FEZ2: variants seen among roughly 807,000 people sequenced by gnomAD.
The protein encoded by FEZ2 is fasciculation and elongation protein zeta-2.
FEZ2 carries 51 observed loss-of-function variants against 40.4 expected under a neutral mutation model. That is an observed-to-expected ratio of 1.26 (90% confidence interval 1.01 to 1.59). FEZ2 has a LOEUF of 1.59. Among genes scored for constraint, FEZ2 ranks in the 40% most tolerant of loss-of-function variants. The pLI is 0.00. For synonymous variants in FEZ2, 242 were observed against 172.0 expected (o/e 1.41, Z -3.18); for missense variants, 640 against 438.3 (o/e 1.46, Z -4.11).
intron 4 of FEZ2, 87 bp from the exon 5 acceptor site, chr2:36,578,952 A>T: frequency 9.3e-7 from 1 of 1,075,810 alleles, no homozygotes; most frequent in South Asian, 1.5e-5. Flanking sequence ...ATGACTAAAT[A>T]AACACCTATG....
chr2:36,578,712 A>G lies in FEZ2; in HGVS notation c.788T>C (p.Leu263Pro), dbSNP rs1668648064. 6.2e-7 allele frequency: 1 copy of G among 1,613,636 alleles called. No individual in the cohort carries two copies. Among genetic ancestry groups the G allele is most frequent in the South Asian group, 1.1e-5 (1 of 91,082 alleles). Residue 263 changes from leucine to proline, a missense_variant, in exon 5 of 8, where the codon CTT (leucine) becomes CCT (proline). Leu to Pro is a moderately conservative substitution (Grantham distance 98, BLOSUM62 -3). Coordinates refer to ENST00000405912, the MANE Select transcript of FEZ2 (RefSeq NM_005102.3). ...TTTCTGTTTGTTTTGCACTTCAATA[A>G]GAACAGAAATAAAGCTGTTTTTCAC... is the stretch of plus-strand genomic sequence containing the variant. ...KEVKNSFISV[L>P]IEVQNKQKEH... is the part of the protein sequence containing the mutation.
At chr2:36,596,875 G>C (rs1223272101) in intron 1 of FEZ2, among the ~76,000 whole-genome samples, 1 of 151,950 alleles carries the variant, frequency 6.6e-6, no homozygotes, top group African/African-American at 2.4e-5. Context: ...CATCTTTTGG[G>C]GGTAAAACCA....
At chr2:36,556,891 C>A (rs1352168741) in intron 6 of FEZ2, 1 of 152,180 alleles carries the variant, frequency 6.6e-6, no homozygotes, top group Non-Finnish European at 1.5e-5. Flanking sequence ...ACTGTCTCCA[C>A]AGGGCTCTTC....
chr2:36,575,296 C>T (rs927724846), intron 5 of FEZ2, among the ~76,000 whole-genome samples: 2 of 152,214 alleles, frequency 1.3e-5, no homozygotes, highest in South Asian at 2.1e-4. Flanking sequence ...GCAATCCTCT[C>T]GCCTCAGACT....
At chr2:36,593,581 T>C (rs1259328291) in intron 1 of FEZ2, among the ~76,000 whole-genome samples, 1 of 152,074 alleles carries the variant, frequency 6.6e-6, no homozygotes, top group Admixed American at 6.5e-5. Context: ...TGAGCTGTAC[T>C]CTCGCCCCTT....
intron 5 of FEZ2, among the ~76,000 whole-genome samples, chr2:36,562,222 A>G (rs1377377019): frequency 6.6e-6 from 1 of 152,174 alleles, no homozygotes; most frequent in African/African-American, 2.4e-5. Context: ...TGCTCTTTAT[A>G]ATGAATTTAT....
At chr2:36,554,228 A>T (rs1272669041) in intron 7 of FEZ2, 1 of 471,240 alleles carries the variant, frequency 2.1e-6, no homozygotes. Flanking sequence ...TGCTTCCCTA[A>T]GGCATGCGGT....
intron 7 of FEZ2, among the ~76,000 whole-genome samples, chr2:36,553,626 T>TG (rs1450536850): frequency 6.6e-6 from 1 of 152,128 alleles, no homozygotes; most frequent in African/African-American, 2.4e-5. Flanking sequence ...CAGGCTGCAG[T>TG]GGGGTCATTA....
intron 5 of FEZ2, chr2:36,560,818 G>A (rs1186223348): frequency 1.2e-6 from 2 of 1,611,654 alleles, no homozygotes; most frequent in Non-Finnish European, 1.7e-6. Flanking sequence ...CAAAGGTGTG[G>A]CGGAGGCCAT....
At chr2:36,570,361 A>T (rs533371891) in intron 5 of FEZ2, among the ~76,000 whole-genome samples, 1 of 152,152 alleles carries the variant, frequency 6.6e-6, no homozygotes, top group Non-Finnish European at 1.5e-5. Context: ...AGATCTTCAA[A>T]ATTAGCATTA....
intron 3 of FEZ2, 49 bp from the exon 4 acceptor site, chr2:36,581,480 GATCT>G (rs761112126): frequency 6.4e-7 from 1 of 1,563,182 alleles, no homozygotes; most frequent in South Asian, 1.1e-5. Flanking sequence ...AAAGGAAAAT[GATCT>G]ATCTGGAACA....
chr2:36,592,945 G>A (rs1283658508), intron 1 of FEZ2, among the ~76,000 whole-genome samples: 2 of 152,216 alleles, frequency 1.3e-5, no homozygotes, highest in Admixed American at 6.5e-5. Flanking sequence ...TCTCCTCTCT[G>A]TTGGAATATC....
chr2:36,569,411 G>T (rs962678610), intron 5 of FEZ2, among the ~76,000 whole-genome samples: 2 of 152,158 alleles, frequency 1.3e-5, no homozygotes, highest in Non-Finnish European at 2.9e-5. Context: ...GTTCCTAGCT[G>T]ATAGGACTGA....
At chr2:36,571,457 T>C (rs1668407849) in intron 5 of FEZ2, among the ~76,000 whole-genome samples, 1 of 151,722 alleles carries the variant, frequency 6.6e-6, no homozygotes, top group Non-Finnish European at 1.5e-5. Context: ...GGCCAGTAGT[T>C]CAAGACCATC....
intron 5 of FEZ2, among the ~76,000 whole-genome samples, chr2:36,575,437 C>T (rs1352278752): frequency 2.0e-5 from 3 of 152,184 alleles, no homozygotes; most frequent in Non-Finnish European, 2.9e-5. Context: ...AATCCTCCCA[C>T]CTCAGCCTCT....
intron 5 of FEZ2, among the ~76,000 whole-genome samples, chr2:36,562,273 C>G (rs1668114261): frequency 6.6e-6 from 1 of 151,940 alleles, no homozygotes; most frequent in African/African-American, 2.4e-5. Context: ...AATTTTATCA[C>G]TTTTAATTTG....
chr2:36,569,274 T>A (rs147659254), intron 5 of FEZ2, among the ~76,000 whole-genome samples: 19 of 152,332 alleles, frequency 1.2e-4, no homozygotes, highest in African/African-American at 4.3e-4. Context: ...GAATAATATT[T>A]TAGACACAAC....
At chr2:36,571,385 G>A (rs922387594) in intron 5 of FEZ2, among the ~76,000 whole-genome samples, 1 of 152,216 alleles carries the variant, frequency 6.6e-6, no homozygotes, top group African/African-American at 2.4e-5. Flanking sequence ...TCAGAGCCGG[G>A]CACGGTTGCT....
intron 2 of FEZ2, among the ~76,000 whole-genome samples, chr2:36,587,144 CAGA>C (rs1668925039): frequency 6.6e-6 from 1 of 152,066 alleles, no homozygotes; most frequent in Non-Finnish European, 1.5e-5. Context: ...AGAATGGCAC[CAGA>C]TTTAGAATAG....
Sources: gnomAD v4.1 joint callset for allele counts (sites outside exome capture counted in the v4.1 genomes callset) on GRCh38, gnomAD v4.1.1 for gene constraint, MANE v1.5 for transcripts, NCBI Gene and HGNC (gene_info 2026-07-23, HGNC 2026-07-21) for gene names.